The following LRP1B variants were observed in gnomAD, a reference collection of about 807,000 sequenced individuals.
LRP1B encodes the protein low-density lipoprotein receptor-related protein 1B.
LRP1B carries 217 observed loss-of-function variants against 556.6 expected under a neutral mutation model. The observed-to-expected ratio is 0.39, with a 90% CI of 0.35 to 0.44. The LOEUF is 0.44. Ranked by LOEUF, LRP1B falls within the 20% of genes least tolerant of loss-of-function variation. LRP1B has a pLI of 1.00. For missense variants in LRP1B, 5,053 were observed against 5,620.8 expected (o/e 0.90, Z 3.23); for synonymous variants, 2,047 against 1,865.8 (o/e 1.10, Z -2.50).
intron 49 of LRP1B, among the ~76,000 whole-genome samples, chr2:140,524,894 T>G (rs1026548856): frequency 1.3e-5 from 2 of 151,812 alleles, no homozygotes; most frequent in African/African-American, 4.8e-5. Flanking sequence ...CTCAGCATCA[T>G]GCAGTATACC....
intron 66 of LRP1B, 142 bp from the exon 67 acceptor site, chr2:140,386,151 G>T: frequency 1.6e-6 from 1 of 638,350 alleles, no homozygotes. Context: ...AAAATTGAAG[G>T]CAAGTGCTGA....
chr2:140,457,392 G>A (rs188358602), intron 61 of LRP1B, 71 bp downstream of exon 61: 1 of 1,198,808 alleles, frequency 8.3e-7, no homozygotes, highest in Non-Finnish European at 1.2e-6. Context: ...ATTTAACCTT[G>A]AAATAATAAA....
At chr2:140,774,047 G>T (rs1302656708) in intron 33 of LRP1B, among the ~76,000 whole-genome samples, 1 of 152,036 alleles carries the variant, frequency 6.6e-6, no homozygotes, top group East Asian at 1.9e-4. Flanking sequence ...TGTCAAAAAT[G>T]ATATATTAAG....
At chr2:141,098,515 C>A (rs1700376722) in intron 7 of LRP1B, among the ~76,000 whole-genome samples, 1 of 152,182 alleles carries the variant, frequency 6.6e-6, no homozygotes, top group African/African-American at 2.4e-5. Context: ...AACTGACCCT[C>A]AGACCTCTCA....
chr2:141,970,070 T>C lies in LRP1B; in HGVS notation c.83-159669A>G, dbSNP rs560058973. Among the ~76,000 whole-genome samples, 5 of 151,722 alleles carry C rather than the reference T, an allele frequency of 3.3e-5. No individual in the cohort carries two copies. The South Asian group carries it at 1.0e-3, about 31-fold the overall frequency. ...ATTTCACATATCTGTTGACCATTTG[T>C]ATGTCTTCTTTGAGGAAATTCTATT... On this transcript the variant is annotated intron_variant, in intron 1 of 90. Transcript: ENST00000389484.
chr2:140,487,571 T>C, intron 58 of LRP1B, 46 bp downstream of exon 58: 1 of 1,528,400 alleles, frequency 6.5e-7, no homozygotes, highest in Non-Finnish European at 9.0e-7. Flanking sequence ...AATTCAATCA[T>C]ACTGGTATAA....
intron 60 of LRP1B, among the ~76,000 whole-genome samples, chr2:140,470,959 G>T (rs777105151): frequency 2.0e-5 from 3 of 152,118 alleles, no homozygotes; most frequent in Non-Finnish European, 4.4e-5. Context: ...CAGTACTCCA[G>T]CAAAGGCGTA....
chr2:141,086,472 T>C (rs1700048960), intron 7 of LRP1B, among the ~76,000 whole-genome samples: 1 of 152,224 alleles, frequency 6.6e-6, no homozygotes, highest in African/African-American at 2.4e-5. Context: ...TTGTTCAAAA[T>C]TGGATCAGTT....
intron 2 of LRP1B, among the ~76,000 whole-genome samples, chr2:141,631,666 G>A (rs1165505325): frequency 6.6e-6 from 1 of 151,824 alleles, no homozygotes; most frequent in Non-Finnish European, 1.5e-5. Flanking sequence ...TACTTTGTAA[G>A]GACCAATCCG....
chr2:141,756,927 A>G (rs1694343206), intron 2 of LRP1B, among the ~76,000 whole-genome samples: 1 of 152,190 alleles, frequency 6.6e-6, no homozygotes, highest in Non-Finnish European at 1.5e-5. Context: ...GTATATACAT[A>G]TATAAAAATA....
chr2:140,500,888 T>C (rs542419661), intron 55 of LRP1B, among the ~76,000 whole-genome samples: 1 of 152,004 alleles, frequency 6.6e-6, no homozygotes, highest in Non-Finnish European at 1.5e-5. Context: ...TTAGACTGCC[T>C]GTGTTGTTTA....
chr2:141,826,429 G>A (rs1395770416), intron 1 of LRP1B, among the ~76,000 whole-genome samples: 2 of 140,282 alleles, frequency 1.4e-5, no homozygotes, highest in Non-Finnish European at 3.0e-5. Flanking sequence ...GCGCCATCTC[G>A]GCTCACTGCA....
chr2:140,703,877 A>T (rs1403864503), intron 37 of LRP1B, among the ~76,000 whole-genome samples: 1 of 152,056 alleles, frequency 6.6e-6, no homozygotes, highest in Non-Finnish European at 1.5e-5. Context: ...CACAGTATAG[A>T]TGTACATTTT....
At chr2:141,204,455 G>A (rs1573647104) in intron 6 of LRP1B, among the ~76,000 whole-genome samples, 1 of 152,124 alleles carries the variant, frequency 6.6e-6, no homozygotes, top group African/African-American at 2.4e-5. Flanking sequence ...CTCCACCTCA[G>A]ATACTTCACT....
intron 2 of LRP1B, among the ~76,000 whole-genome samples, chr2:141,545,164 T>A (rs142808230): frequency 6.6e-6 from 1 of 152,284 alleles, no homozygotes; most frequent in East Asian, 1.9e-4. Context: ...ATCCTACACA[T>A]CAAAATGTAT....
intron 66 of LRP1B, among the ~76,000 whole-genome samples, chr2:140,426,397 G>C (rs556447798): frequency 6.6e-6 from 1 of 151,954 alleles, no homozygotes; most frequent in Non-Finnish European, 1.5e-5. Context: ...ATTTCTTTCA[G>C]GCCTCTGAGC....
In LRP1B at chr2:140,300,390, G is replaced by A. The variant is rs74574649; in HGVS notation, c.12806-2421C>T. On this transcript the variant is annotated intron_variant, in intron 83 of 90. Transcript: ENST00000389484. Reference sequence around the variant, plus strand: ...AATCTCTCTAGGTGCACCCTAAGACGTTGGATTGGATTCATTTACAGAGAT... The same window carrying A: ...AATCTCTCTAGGTGCACCCTAAGACATTGGATTGGATTCATTTACAGAGAT... Among the ~76,000 whole-genome samples, 1,493 of 152,192 alleles carry A rather than the reference G, an allele frequency of 9.8e-3. 62 individuals are homozygous for A. In the East Asian group the frequency reaches 0.13, roughly 14 times the overall value.
intron 2 of LRP1B, among the ~76,000 whole-genome samples, chr2:141,569,582 C>T (rs927111494): frequency 6.6e-6 from 1 of 150,626 alleles, no homozygotes; most frequent in African/African-American, 2.4e-5. Flanking sequence ...GTAACAATGC[C>T]CTGTGTACAG....
intron 3 of LRP1B, among the ~76,000 whole-genome samples, chr2:141,440,659 C>CT (rs532957138): frequency 6.6e-6 from 1 of 152,240 alleles, no homozygotes; most frequent in Non-Finnish European, 1.5e-5. Flanking sequence ...TGTTTCTATA[C>CT]TTTTAACAGT....
Sources: allele counts gnomAD v4.1 joint callset (sites outside exome capture counted in the v4.1 genomes callset), GRCh38; gene constraint gnomAD v4.1.1; transcripts MANE v1.5; gene names NCBI Gene and HGNC (gene_info 2026-07-23, HGNC 2026-07-21).